Variants in SRPK1 observed in about 807,000 individuals in gnomAD.
SRPK1 encodes the protein SRSF protein kinase 1.
Under a neutral mutation model 89.5 loss-of-function variants are expected in SRPK1, and 52 were observed. The observed-to-expected ratio is 0.58, with a 90% confidence interval of 0.46 to 0.73. The LOEUF is 0.73. SRPK1 is among the 30% of genes least tolerant of loss of function. The pLI, the probability that SRPK1 is intolerant of heterozygous loss-of-function variation, is 0.00. For synonymous variants in SRPK1, 255 were observed against 270.2 expected (o/e 0.94, Z 0.55); for missense variants, 603 against 780.6 (o/e 0.77, Z 2.71).
At chr6:35,904,324 C>T (rs1052785676) in intron 2 of SRPK1, among the ~76,000 whole-genome samples, 4 of 152,078 alleles carry the variant, frequency 2.6e-5, no homozygotes, top group Admixed American at 2.0e-4. Flanking sequence ...TCCTCCACTA[C>T]GAGGCCCATG....
chr6:35,894,126 A>G (rs1770582318), intron 2 of SRPK1, among the ~76,000 whole-genome samples: 1 of 152,234 alleles, frequency 6.6e-6, no homozygotes, highest in Non-Finnish European at 1.5e-5. Flanking sequence ...ATCATCGAAC[A>G]TTTGAGGAAA....
At chr6:35,880,050 C>A (rs146491784) in intron 6 of SRPK1, among the ~76,000 whole-genome samples, 9 of 144,794 alleles carry the variant, frequency 6.2e-5, no homozygotes, top group Non-Finnish European at 1.1e-4. Flanking sequence ...GGTGTGAAGA[C>A]CTTGACAGAG....
At chr6:35,838,915 C>G in intron 14 of SRPK1, 1 of 1,103,466 alleles carries the variant, frequency 9.1e-7, no homozygotes, top group South Asian at 1.4e-5. Context: ...ACCAAGGATA[C>G]TGAAGGAAGA....
intron 12 of SRPK1, among the ~76,000 whole-genome samples, chr6:35,861,998 A>G (rs1264684060): frequency 6.6e-6 from 1 of 152,126 alleles, no homozygotes; most frequent in Non-Finnish European, 1.5e-5. Flanking sequence ...CTCTAAGCAC[A>G]CTTAGGAAAA....
chr6:35,877,387 T>A (rs536796408), intron 6 of SRPK1, among the ~76,000 whole-genome samples: 1 of 152,314 alleles, frequency 6.6e-6, no homozygotes, highest in Admixed American at 6.5e-5. Flanking sequence ...ACAATGTGAT[T>A]ACCAGGTAGT....
intron 1 of SRPK1, 172 bp from the exon 2 acceptor site, chr6:35,920,700 C>G: frequency 1.3e-5 from 3 of 228,228 alleles, no homozygotes. Flanking sequence ...GGGCGCAGAG[C>G]AGCGCCCGGG....
chr6:35,849,857 G>C lies in SRPK1; in HGVS notation c.1621-7253C>G, dbSNP rs138534004. Among the ~76,000 whole-genome samples the C allele has an allele frequency of 5.9e-3, 894 of 152,280 alleles. 9 individuals are homozygous for C. Among genetic ancestry groups the C allele is most frequent in the Middle Eastern group, 0.048 (14 of 294 alleles). Reference sequence around the variant, plus strand: ...GGATATTCAACTTGTATACACAATGGAATGGAATACTATTCAGCCTTAAAA... The same window carrying C: ...GGATATTCAACTTGTATACACAATGCAATGGAATACTATTCAGCCTTAAAA... On this transcript the variant is annotated intron_variant, in intron 13 of 15. Coordinates refer to ENST00000373825, the MANE Select transcript of SRPK1 (RefSeq NM_003137.5).
intron 6 of SRPK1, among the ~76,000 whole-genome samples, chr6:35,883,075 G>A (rs1770330387): frequency 6.6e-6 from 1 of 152,206 alleles, no homozygotes; most frequent in Admixed American, 6.5e-5. Context: ...CCAAAGTGCT[G>A]GGATTATAGG....
chr6:35,869,708 AG>A lies in SRPK1; in HGVS notation c.1184del (p.Ser395LeufsTer4). On this transcript the variant is annotated frameshift_variant, in exon 11 of 16. Transcript: ENST00000373825. LOFTEE classifies it high-confidence loss of function. ...CTCCATTTTGGGAGCTTAGGAAACTAGATTCCTGATTCAAATTTTGGACATC... is the reference window on the plus strand; with the variant it reads ...CTCCATTTTGGGAGCTTAGGAAACTAATTCCTGATTCAAATTTTGGACATC... Reference protein sequence around the residue: ...DCDVQNLNQESSFLSSQNGDS... With the variant: ...DCDVQNLNQEXSFLSSQNGDS... 1 of 1,613,908 alleles carries A rather than the reference AG, an allele frequency of 6.2e-7. No individual in the cohort carries two copies. The highest frequency in any genetic ancestry group is 1.3e-5 in the African/African-American group (1 of 75,066).
intron 2 of SRPK1, among the ~76,000 whole-genome samples, chr6:35,891,308 T>C (rs1335387227): frequency 6.6e-6 from 1 of 152,248 alleles, no homozygotes; most frequent in Non-Finnish European, 1.5e-5. Flanking sequence ...TCTTCTTCCA[T>C]TATGTTGCTG....
At chr6:35,842,425 AT>A in intron 14 of SRPK1, 109 bp downstream of exon 14, 2 of 653,554 alleles carry the variant, frequency 3.1e-6, no homozygotes, top group Middle Eastern at 5.3e-4. Context: ...TGGGATTTAC[AT>A]GTTTTGCACA....
chr6:35,889,487 A>G (rs1333309502), intron 3 of SRPK1, among the ~76,000 whole-genome samples: 1 of 152,094 alleles, frequency 6.6e-6, no homozygotes, highest in Non-Finnish European at 1.5e-5. Context: ...TCTCTATTAA[A>G]AATACAAAAA....
At chr6:35,857,464 TTTTTCCCAAA>T in intron 12 of SRPK1, 96 bp from the exon 13 acceptor site, 1 of 1,050,078 alleles carries the variant, frequency 9.5e-7, no homozygotes, top group South Asian at 1.5e-5. Flanking sequence ...CTCTCTGAAG[TTTTTCCCAAA>T]CCAAAGTTCT....
At chr6:35,884,722 C>A (rs1275630396) in intron 6 of SRPK1, among the ~76,000 whole-genome samples, 2 of 152,078 alleles carry the variant, frequency 1.3e-5, no homozygotes, top group Non-Finnish European at 2.9e-5. Context: ...TCTTGGGGGC[C>A]GGGCACGGTG....
intron 2 of SRPK1, among the ~76,000 whole-genome samples, chr6:35,918,548 A>T (rs1482047365): frequency 6.6e-6 from 1 of 152,060 alleles, no homozygotes; most frequent in African/African-American, 2.4e-5. Context: ...ACAAACAAAC[A>T]AAAAAAACTT....
intron 12 of SRPK1, among the ~76,000 whole-genome samples, chr6:35,858,368 A>G (rs897745843): frequency 3.9e-5 from 6 of 152,192 alleles, no homozygotes; most frequent in African/African-American, 1.4e-4. Context: ...ATGCAAAACC[A>G]AAGAATCAGA....
chr6:35,908,680 A>C (rs1770899063), intron 2 of SRPK1, among the ~76,000 whole-genome samples: 1 of 152,266 alleles, frequency 6.6e-6, no homozygotes, highest in African/African-American at 2.4e-5. Context: ...ATAGAAAAGA[A>C]AAAAACATTT....
intron 2 of SRPK1, among the ~76,000 whole-genome samples, chr6:35,902,556 GGCACTCAAT>G (rs1385851561): frequency 5.3e-5 from 8 of 152,164 alleles, no homozygotes; most frequent in Non-Finnish European, 7.3e-5. Context: ...TACTGGGCTA[GGCACTCAAT>G]GCAATTTCAT....
At chr6:35,889,045 T>C in intron 3 of SRPK1, 122 bp from the exon 4 acceptor site, 1 of 601,248 alleles carries the variant, frequency 1.7e-6, no homozygotes, top group South Asian at 2.1e-5. Context: ...AAGTTTCTTT[T>C]ATACAATCAA....
Sources: gnomAD v4.1 joint callset for allele counts (sites outside exome capture counted in the v4.1 genomes callset) on GRCh38, gnomAD v4.1.1 for gene constraint, MANE v1.5 for transcripts, NCBI Gene and HGNC (gene_info 2026-07-23, HGNC 2026-07-21) for gene names.